Variants in SUMF1 observed in about 807,000 individuals in gnomAD.
SUMF1 encodes the protein formylglycine-generating enzyme.
SUMF1 carries 48 observed loss-of-function variants against 47.6 expected under a neutral mutation model. The ratio of observed to expected loss-of-function variants is 1.01; its 90% CI spans 0.80 to 1.28. SUMF1 has a LOEUF of 1.28. Ranked by LOEUF, SUMF1 falls within the 50% of genes most tolerant of loss-of-function variation. The probability of loss-of-function intolerance (pLI) is 0.00; values close to 1 mark genes in which losing one functional copy is unlikely to be tolerated. For synonymous variants in SUMF1, 230 were observed against 192.1 expected (o/e 1.20, Z -1.63); for missense variants, 571 against 485.4 (o/e 1.18, Z -1.66).
intron 8 of SUMF1, among the ~76,000 whole-genome samples, chr3:4,284,773 T>C (rs1269304758): frequency 1.3e-5 from 2 of 151,714 alleles, no homozygotes; most frequent in African/African-American, 2.4e-5. Flanking sequence ...TAAAGAAGCA[T>C]GGGGGGTAAT....
Position 4,352,731 on chromosome 3 carries a change from T to TAAA in SUMF1, c.1014+23596_1014+23598dup, listed in dbSNP as rs34628235. Among the ~76,000 whole-genome samples the TAAA allele has an allele frequency of 9.2e-4, 100 of 108,240 alleles. 1 individual carries two copies. The highest frequency in any genetic ancestry group is 2.8e-3 in the African/African-American group (88 of 31,042). The allele number at this position is 108,240 out of a possible 152,430, so 71.0% of individuals were successfully genotyped here. A position where few individuals can be genotyped will look rare whatever the true frequency, so the allele number is the denominator to read the frequency against. The stretch of plus-strand genomic sequence containing the variant: ...GATGTAGGTCCATTATTGCTGCGTG[T>TAAA]AAAAAAAAAAAAAAAAAAAAAAAGG... On this transcript the variant is annotated intron_variant and NMD_transcript_variant, in intron 8 of 12. Transcript: ENST00000448413.
At position 4,418,055 on chromosome 3, in the gene SUMF1, G is replaced by C. The variant is rs566145117; in HGVS notation, c.680C>G (p.Thr227Arg). ...YCTWAGKRLP[T>R]EAEWEYSCRG... is the part of the protein sequence containing the mutation. ...ACAGCTGTATTCCCACTCAGCTTCC[G>C]TGGGCAGCCGCTTCCCTGCCCAAGT... The change falls in exon 5 of 9, where the codon ACG (threonine) becomes AGG (arginine). Residue 227 changes from threonine to arginine, a missense_variant. Thr to Arg is a moderately conservative substitution (Grantham distance 71). Transcript: ENST00000272902. 6.2e-7 allele frequency: 1 copy of C among 1,614,026 alleles called. No individual in the cohort carries two copies. The highest frequency in any genetic ancestry group is 1.1e-5 in the South Asian group (1 of 91,076).
intron 9 of SUMF1, among the ~76,000 whole-genome samples, chr3:4,037,297 C>T (rs1694817691): frequency 6.6e-6 from 1 of 152,182 alleles, no homozygotes; most frequent in African/African-American, 2.4e-5. Flanking sequence ...TCTGACATCA[C>T]CGCCTCCTTC....
chr3:4,437,950 A>T (rs1702455193), intron 3 of SUMF1, among the ~76,000 whole-genome samples: 1 of 152,132 alleles, frequency 6.6e-6, no homozygotes, highest in Non-Finnish European at 1.5e-5. Flanking sequence ...ACACAAAAAT[A>T]AAATAAAAAA....
chr3:4,376,531 T>C, intron 7 of SUMF1, 142 bp from the exon 8 acceptor site: 2 of 856,682 alleles, frequency 2.3e-6, no homozygotes, highest in Non-Finnish European at 3.9e-6. Context: ...AGGCTTTGTA[T>C]CTGTATTCGT....
chr3:4,096,633 A>C (rs1412702911), intron 8 of SUMF1, among the ~76,000 whole-genome samples: 1 of 152,118 alleles, frequency 6.6e-6, no homozygotes, highest in African/African-American at 2.4e-5. Context: ...CTCTTTACAG[A>C]TTATCATGAT....
chr3:4,045,211 A>C lies in SUMF1; in HGVS notation c.1191+23358T>G, dbSNP rs563887092. On this transcript the variant is annotated intron_variant and NMD_transcript_variant, in intron 9 of 12. Coordinates refer to the SUMF1 transcript ENST00000448413. The stretch of plus-strand genomic sequence containing the variant: ...CTAGTTCAATCCATTGAAAGTCCTT[A>C]AGAGCAGAACTGAGGCTTCCCTGAG... Among the ~76,000 whole-genome samples, 80 of 152,232 alleles carry C rather than the reference A, an allele frequency of 5.3e-4. 1 individual carries two copies. Among genetic ancestry groups the C allele is most frequent in the Non-Finnish European group, 8.5e-4 (58 of 68,032 alleles).
At chr3:4,128,960 G>A (rs1693722348) in intron 8 of SUMF1, among the ~76,000 whole-genome samples, 1 of 152,096 alleles carries the variant, frequency 6.6e-6, no homozygotes. Flanking sequence ...TGAGTGAATT[G>A]GGAATGCCTG....
chr3:4,443,979 A>G (rs1038684907), intron 3 of SUMF1, among the ~76,000 whole-genome samples: 1 of 152,154 alleles, frequency 6.6e-6, no homozygotes, highest in African/African-American at 2.4e-5. Context: ...TCTACCCCAT[A>G]CCTGAGAATA....
At chr3:4,136,985 G>A (rs1464799488) in intron 8 of SUMF1, among the ~76,000 whole-genome samples, 6 of 152,026 alleles carry the variant, frequency 3.9e-5, no homozygotes, top group African/African-American at 1.4e-4. Context: ...GATGCCGGAG[G>A]GGATGTGGAG....
chr3:4,466,845 A>T, intron 1 of SUMF1, 131 bp downstream of exon 1: 1 of 1,363,298 alleles, frequency 7.3e-7, no homozygotes, highest in South Asian at 1.4e-5. Context: ...TCATACGGGA[A>T]CAGCAGGTGC....
rs537226317 is a variant in SUMF1, at chr3:4,371,913, A to G, written c.1014+4417T>C. On this transcript the variant is annotated intron_variant, in intron 8 of 8. Transcript: ENST00000272902. Reference sequence around the variant, plus strand: ...CAAAGTCTGCACCCTTAACCAGATGACATGTTGCCTCATAGTTTTTCTTTC... The same window carrying G: ...CAAAGTCTGCACCCTTAACCAGATGGCATGTTGCCTCATAGTTTTTCTTTC... 4.6e-5 allele frequency among the ~76,000 whole-genome samples: 7 copies of G among 152,336 alleles called. No homozygotes were observed. The South Asian group carries it at 1.4e-3, about 32-fold the overall frequency.
chr3:4,276,712 C>T (rs1697427737), intron 8 of SUMF1, among the ~76,000 whole-genome samples: 1 of 152,116 alleles, frequency 6.6e-6, no homozygotes, highest in East Asian at 1.9e-4. Context: ...TACGGTATTT[C>T]TTTTTGTTTT....
chr3:4,219,778 T>G (rs944080341), intron 8 of SUMF1, among the ~76,000 whole-genome samples: 3 of 152,248 alleles, frequency 2.0e-5, no homozygotes, highest in African/African-American at 7.2e-5. Context: ...CCCAAATCCA[T>G]GGAATCAGAA....
chr3:4,379,384 A>T (rs1249215719), intron 7 of SUMF1, among the ~76,000 whole-genome samples: 2 of 151,790 alleles, frequency 1.3e-5, no homozygotes, highest in Non-Finnish European at 3.0e-5. Context: ...AGAGAAGTCT[A>T]TGTGGTGATG....
chr3:4,113,909 C>T (rs1184826064), intron 8 of SUMF1, among the ~76,000 whole-genome samples: 2 of 152,160 alleles, frequency 1.3e-5, no homozygotes, highest in East Asian at 3.9e-4. Context: ...TCTAAATTTC[C>T]TTTAGATAGT....
At chr3:4,241,375 C>T (rs1216038948) in intron 8 of SUMF1, among the ~76,000 whole-genome samples, 1 of 152,002 alleles carries the variant, frequency 6.6e-6, no homozygotes, top group African/African-American at 2.4e-5. Flanking sequence ...AGGTAAGAAC[C>T]TTGGTATTTG....
At chr3:4,074,289 A>G (rs984468620) in intron 8 of SUMF1, among the ~76,000 whole-genome samples, 2 of 152,172 alleles carry the variant, frequency 1.3e-5, no homozygotes, top group African/African-American at 2.4e-5. Flanking sequence ...CTTTGAAACC[A>G]ATGAGAACAA....
intron 7 of SUMF1, among the ~76,000 whole-genome samples, chr3:4,404,529 G>A (rs866445212): frequency 6.6e-6 from 1 of 152,138 alleles, no homozygotes; most frequent in Non-Finnish European, 1.5e-5. Flanking sequence ...AGGCTGAGGC[G>A]GGTGAATCAC....
Sources: allele counts gnomAD v4.1 joint callset (sites outside exome capture counted in the v4.1 genomes callset), GRCh38; gene constraint gnomAD v4.1.1; transcripts MANE v1.5; gene names NCBI Gene and HGNC (gene_info 2026-07-23, HGNC 2026-07-21).